The following MAGI1 variants were observed in gnomAD, a reference collection of about 807,000 sequenced individuals.
MAGI1 encodes the protein membrane-associated guanylate kinase, WW and PDZ domain-containing protein 1.
Under a neutral mutation model 139.9 loss-of-function variants are expected in MAGI1, and 58 were observed. The ratio of observed to expected loss-of-function variants is 0.41; its 90% CI spans 0.34 to 0.52. The LOEUF (loss-of-function observed/expected upper bound fraction) is 0.52. Among genes scored for constraint, MAGI1 ranks in the 20% least tolerant of loss-of-function variants. MAGI1 has a pLI of 0.12. For synonymous variants in MAGI1, 812 were observed against 737.9 expected, an observed-to-expected ratio of 1.10 and a Z score of -1.63; for missense variants, 1,874 against 1,901.6, an observed-to-expected ratio of 0.99 and a Z score of 0.27.
chr3:65,549,759 C>T (rs2079728902), intron 2 of MAGI1, among the ~76,000 whole-genome samples: 1 of 152,006 alleles, frequency 6.6e-6, no homozygotes, highest in African/African-American at 2.4e-5. Flanking sequence ...TCACATGGTT[C>T]TGGCCCTGGG....
chr3:66,012,766 A>T (rs1181780996), intron 1 of MAGI1, among the ~76,000 whole-genome samples: 28 of 47,976 alleles, frequency 5.8e-4, no homozygotes, highest in African/African-American at 1.1e-3. Context: ...ACTCCATCTC[A>T]AAAAAAAAAA....
intron 1 of MAGI1, among the ~76,000 whole-genome samples, chr3:65,973,231 T>G (rs1014083577): frequency 1.7e-4 from 26 of 152,192 alleles, no homozygotes; most frequent in Non-Finnish European, 2.9e-5. Flanking sequence ...AGGTGCCCCC[T>G]ATTCTCACTC....
intron 7 of MAGI1, among the ~76,000 whole-genome samples, chr3:65,443,280 C>T (rs1264179273): frequency 2.6e-5 from 4 of 152,110 alleles, no homozygotes; most frequent in Non-Finnish European, 5.9e-5. Flanking sequence ...TTTTGCTCTC[C>T]TTGAAATAAA....
intron 1 of MAGI1, among the ~76,000 whole-genome samples, chr3:65,766,595 T>C (rs563044479): frequency 1.2e-4 from 18 of 152,006 alleles, no homozygotes; most frequent in African/African-American, 4.1e-4. Context: ...GTCATTATTA[T>C]AACAGAATAA....
At chr3:65,760,441 T>C (rs9838554) in intron 1 of MAGI1, among the ~76,000 whole-genome samples, 2,930 of 150,742 alleles carry the variant, frequency 0.019, 86 homozygotes, top group African/African-American at 0.067. Flanking sequence ...CAGGCTGGAG[T>C]GCAGTGGCAC....
intron 12 of MAGI1, among the ~76,000 whole-genome samples, chr3:65,404,192 C>A (rs1410573786): frequency 6.6e-6 from 1 of 152,052 alleles, no homozygotes; most frequent in Non-Finnish European, 1.5e-5. Context: ...TTTTTAAGAC[C>A]AGCATTTTCA....
intron 12 of MAGI1, among the ~76,000 whole-genome samples, chr3:65,427,304 C>T (rs1353764162): frequency 6.6e-6 from 1 of 151,904 alleles, no homozygotes; most frequent in Non-Finnish European, 1.5e-5. Context: ...AAAGTGAGAC[C>T]CTGTCTCAAA....
At chr3:66,009,206 T>C (rs1411788472) in intron 1 of MAGI1, 1 of 152,274 alleles carries the variant, frequency 6.6e-6, no homozygotes, top group Admixed American at 6.5e-5. Flanking sequence ...TGCATAGTAC[T>C]TCAGATTCTT....
chr3:65,961,581 T>C (rs1244070290), intron 1 of MAGI1, among the ~76,000 whole-genome samples: 1 of 152,206 alleles, frequency 6.6e-6, no homozygotes, highest in Non-Finnish European at 1.5e-5. Flanking sequence ...CAGGGTATCT[T>C]AGAAAATAAT....
At chr3:65,757,322 G>A (rs1403865718) in intron 1 of MAGI1, among the ~76,000 whole-genome samples, 3 of 152,150 alleles carry the variant, frequency 2.0e-5, no homozygotes, top group African/African-American at 7.2e-5. Context: ...TATATAACCA[G>A]TGGTCACATT....
At chr3:65,696,976 G>A (rs1222338913) in intron 1 of MAGI1, among the ~76,000 whole-genome samples, 1 of 152,100 alleles carries the variant, frequency 6.6e-6, no homozygotes, top group Non-Finnish European at 1.5e-5. Context: ...TAGACCGCTA[G>A]CAAGACTAAT....
At chr3:65,549,461 G>A (rs1463130545) in intron 2 of MAGI1, 1 of 985,038 alleles carries the variant, frequency 1.0e-6, no homozygotes, top group Non-Finnish European at 1.2e-6. Context: ...CGGAGCCCAG[G>A]CGCGCGCTCG....
chr3:65,574,158 T>C (rs964135825), intron 2 of MAGI1, among the ~76,000 whole-genome samples: 1 of 151,882 alleles, frequency 6.6e-6, no homozygotes, highest in Non-Finnish European at 1.5e-5. Flanking sequence ...TAACTTGTAA[T>C]CAGAAATAGA....
intron 1 of MAGI1, among the ~76,000 whole-genome samples, chr3:65,883,317 C>T (rs2060408688): frequency 2.0e-5 from 3 of 151,986 alleles, no homozygotes. Context: ...TTCACAAAAC[C>T]CTCCTCCACA....
At position 65,391,199 on chromosome 3, in the gene MAGI1, T is replaced by C. The variant is rs1192689499; in HGVS notation, c.2359A>G (p.Lys787Glu). The change falls in exon 14 of 23, where the codon AAA becomes GAA. Residue 787 changes from lysine (K) to glutamate (E), a missense_variant. By Grantham distance (56) the Lys-to-Glu change is moderately conservative. Around this residue, in one of 5 missense-constraint regions of MAGI1, gnomAD observed 482 missense variants for 509.6 expected, o/e 0.95. Coordinates refer to ENST00000402939, the MANE Select transcript of MAGI1 (RefSeq NM_001033057.2). ...CAGATTTTAAAAGGATCTGGTTTTT[T>C]CTGGCCAGAGCTGTCAGTTTGATCT... ...APDQTDSSGQ[K>E]KPDPFKIWAQ... is the part of the protein sequence containing the mutation. The C allele has an allele frequency of 1.2e-6, 2 of 1,614,098 alleles. No individual in the cohort carries two copies. Among genetic ancestry groups the C allele is most frequent in the East Asian group, 2.2e-5 (1 of 44,898 alleles).
chr3:65,865,140 C>T (rs1043867217), intron 1 of MAGI1, among the ~76,000 whole-genome samples: 19 of 152,120 alleles, frequency 1.2e-4, no homozygotes, highest in African/African-American at 4.1e-4. Flanking sequence ...ATATAACATA[C>T]GATAATGTTT....
rs185190281 is a variant in MAGI1, at chr3:65,438,291, C to A, written c.1271-1044G>T. ...CAACTCAGAAACAGAAAGTGAAACA[C>A]CACATGTTCTCACTTCTGAGTGGGA... On this transcript the variant is annotated intron_variant, in intron 9 of 22. Coordinates refer to ENST00000402939, the MANE Select transcript of MAGI1 (RefSeq NM_001033057.2). Among the ~76,000 whole-genome samples, 3 of 152,270 alleles carry A rather than the reference C, an allele frequency of 2.0e-5. No individual in the cohort carries two copies. The East Asian group carries it at 5.8e-4, about 29-fold the overall frequency.
intron 2 of MAGI1, among the ~76,000 whole-genome samples, chr3:65,567,110 A>T (rs1284477583): frequency 6.6e-6 from 1 of 151,858 alleles, no homozygotes; most frequent in Non-Finnish European, 1.5e-5. Flanking sequence ...AACTGGCAGG[A>T]CCTCTGAGAT....
At chr3:65,728,728 A>T (rs11713431) in intron 1 of MAGI1, among the ~76,000 whole-genome samples, 54,571 of 152,030 alleles carry the variant, frequency 0.36, 11,517 homozygotes, top group African/African-American at 0.57. Flanking sequence ...CGTATTTTTT[A>T]AAAAATTATT....
Sources: gnomAD v4.1 joint callset for allele counts (sites outside exome capture counted in the v4.1 genomes callset) on GRCh38, gnomAD v4.1.1 for gene constraint, gnomAD v4.1.1 regional missense constraint, MANE v1.5 for transcripts, NCBI Gene and HGNC (gene_info 2026-07-23, HGNC 2026-07-21) for gene names.